Variants in PLEKHG1 observed in about 807,000 individuals in gnomAD.
The protein encoded by PLEKHG1 is pleckstrin homology domain-containing family G member 1.
A neutral mutation model predicts 100.8 loss-of-function variants in PLEKHG1; 44 were observed. The observed-to-expected ratio is 0.44, with a 90% confidence interval of 0.34 to 0.56. PLEKHG1 has a LOEUF of 0.56. PLEKHG1 is among the 20% of genes least tolerant of loss of function. PLEKHG1 has a pLI of 0.01. For missense variants in PLEKHG1, 1,545 were observed against 1,720.9 expected (o/e 0.90, Z 1.81); for synonymous variants, 640 against 662.5 (o/e 0.97, Z 0.52).
intron 3 of PLEKHG1, among the ~76,000 whole-genome samples, chr6:150,682,756 T>C (rs6913518): frequency 0.75 from 113,715 of 152,030 alleles, 42,972 homozygotes; most frequent in African/African-American, 0.87. Flanking sequence ...CTCTGTGCCC[T>C]GAAAGCAAGA....
At chr6:150,674,683 C>CT (rs1562427867) in intron 3 of PLEKHG1, among the ~76,000 whole-genome samples, 1,343 of 103,396 alleles carry the variant, frequency 0.013, 63 homozygotes, top group South Asian at 0.029. Context: ...CTCTCTCTCT[C>CT]CCCCCTCTTC....
At chr6:150,795,767 G>C in intron 4 of PLEKHG1, 89 bp from the exon 6 acceptor site, 1 of 727,142 alleles carries the variant, frequency 1.4e-6, no homozygotes, top group South Asian at 1.8e-5. Context: ...AAATGTCAAG[G>C]CCCGAATGCT....
chr6:150,696,146 A>T (rs1424919789), intron 3 of PLEKHG1, among the ~76,000 whole-genome samples: 1 of 152,198 alleles, frequency 6.6e-6, no homozygotes, highest in Admixed American at 6.5e-5. Context: ...CTATTTTAGG[A>T]TGTCTTCCCT....
chr6:150,695,011 C>T (rs1780490737), intron 3 of PLEKHG1, among the ~76,000 whole-genome samples: 2 of 152,084 alleles, frequency 1.3e-5, no homozygotes, highest in Admixed American at 1.3e-4. Context: ...TTTTAATAGC[C>T]AAGAATGGCT....
intron 3 of PLEKHG1, among the ~76,000 whole-genome samples, chr6:150,783,569 T>C (rs547708984): frequency 1.1e-3 from 162 of 152,200 alleles, no homozygotes; most frequent in Non-Finnish European, 1.5e-3. Context: ...GGGGTTTCAC[T>C]GTGTTGGCCG....
chr6:150,809,079 A>G (rs1397990802), intron 7 of PLEKHG1, 26 bp from the exon 9 acceptor site: 2 of 1,594,090 alleles, frequency 1.3e-6, no homozygotes, highest in Non-Finnish European at 1.7e-6. Context: ...CCTCCTGTAA[A>G]TGCCATGGCC....
Position 150,839,829 on chromosome 6 carries a change from C to T in PLEKHG1, c.3095-4C>T. The T allele has an allele frequency of 6.4e-7, 1 of 1,572,066 alleles. No homozygotes were observed. Among genetic ancestry groups the T allele is most frequent in the Non-Finnish European group, 8.7e-7 (1 of 1,144,166 alleles). On this transcript the variant is annotated splice_polypyrimidine_tract_variant and splice_region_variant and intron_variant, in intron 15 of 15. Coordinates refer to ENST00000358517, the Ensembl canonical transcript of PLEKHG1. ...TATTTACTGTTTCAATATTTGCCTT[C>T]CAGGTGCCAGGATTGCTGAGTATTC... is the stretch of plus-strand genomic sequence containing the variant.
rs762515691 is a variant in PLEKHG1, at chr6:150,681,502, CA to C, written c.-99+30729del. On this transcript the variant is annotated intron_variant, in intron 3 of 3. Transcript: ENST00000367326. ...CTGGCGACAGAGCGTGACTCTGTCT[CA>C]AAAAAAAAAAAAGAAAGGATAATAG... 6.1e-3 allele frequency among the ~76,000 whole-genome samples: 740 copies of C among 120,846 alleles called. 2 individuals are homozygous for C. The highest frequency in any genetic ancestry group is 0.013 in the African/African-American group (413 of 33,012). The allele number at this position is 120,846 out of a possible 152,430, so 79.3% of individuals were successfully genotyped here.
chr6:150,756,886 A>T (rs1419307241), intron 2 of PLEKHG1, among the ~76,000 whole-genome samples: 2 of 152,234 alleles, frequency 1.3e-5, no homozygotes. Context: ...TTCCTGTCTC[A>T]GTAAAATTAG....
exon 6 of PLEKHG1, chr6:150,800,768 T>G: frequency 6.2e-7 from 1 of 1,613,982 alleles, no homozygotes; most frequent in Non-Finnish European, 8.5e-7. Context: ...ACTGGCCAAA[T>G]TCTTCAGGGA....
At chr6:150,681,280 G>C (rs905340104) in intron 3 of PLEKHG1, among the ~76,000 whole-genome samples, 1 of 152,046 alleles carries the variant, frequency 6.6e-6, no homozygotes, top group Non-Finnish European at 1.5e-5. Flanking sequence ...CCAGCACTTC[G>C]GGAGGCTGAG....
intron 1 of PLEKHG1, among the ~76,000 whole-genome samples, chr6:150,616,257 C>G (rs962923290): frequency 8.5e-5 from 13 of 152,202 alleles, no homozygotes; most frequent in African/African-American, 2.7e-4. Flanking sequence ...GTTCTCTTAT[C>G]TTATTGCCCT....
chr6:150,840,546 T>G, exon 16 of PLEKHG1: 2 of 1,614,150 alleles, frequency 1.2e-6, no homozygotes, highest in Non-Finnish European at 1.7e-6. Context: ...TTTTTCCAAT[T>G]TCAAAGAGAC....
exon 16 of PLEKHG1, chr6:150,841,218 C>G (rs1777519253): frequency 2.5e-6 from 1 of 397,424 alleles, no homozygotes; most frequent in Non-Finnish European, 4.6e-6. Context: ...TTAAGAAATG[C>G]AATAATCCTT....
intron 2 of PLEKHG1, among the ~76,000 whole-genome samples, chr6:150,643,096 C>T (rs75993238): frequency 0.012 from 1,789 of 152,166 alleles, 10 homozygotes; most frequent in Non-Finnish European, 0.019. Context: ...AGAGACATAC[C>T]AAGGAATATG....
rs60462437 is a variant in PLEKHG1 at position 150,763,024 on chromosome 6, C to CTTTTTTTTTTTTTTTTTTTTTTTTTT, written c.412-5594_412-5593insTTTTTTTTTTTTTTTTTTTTTTTTTT. Among the ~76,000 whole-genome samples the CTTTTTTTTTTTTTTTTTTTTTTTTTT allele has an allele frequency of 1.4e-3, 108 of 76,474 alleles. 3 individuals carry two copies. Among genetic ancestry groups the CTTTTTTTTTTTTTTTTTTTTTTTTTT allele is most frequent in the East Asian group, 2.0e-3 (4 of 2,040 alleles). The allele number at this position is 76,474 out of a possible 152,430, so 50.2% of individuals were successfully genotyped here. On this transcript the variant is annotated intron_variant, in intron 2 of 15. Transcript: ENST00000358517. ...AGCACCAACAGGAGGGATAAAGCTT[C>CTTTTTTTTTTTTTTTTTTTTTTTTTT]TTTTTTTTTTTTTTTTTTTTGAGAC...
At chr6:150,763,741 A>G (rs1204985176) in intron 2 of PLEKHG1, among the ~76,000 whole-genome samples, 1 of 152,206 alleles carries the variant, frequency 6.6e-6, no homozygotes, top group East Asian at 1.9e-4. Context: ...AGCTGTCTCC[A>G]TGCTACAGCC....
Position 150,841,253 on chromosome 6 carries a change from A to G in PLEKHG1, c.*357A>G, listed in dbSNP as rs112679909. On this transcript the variant is annotated 3_prime_UTR_variant, in exon 16 of 16. Transcript: ENST00000358517. ...TTCCTGTTATCCAGAAGGCCCAGGT[A>G]GTTTTATCCTGTGACTCAAAGGCAG... is the stretch of plus-strand genomic sequence containing the variant. 1.1e-3 allele frequency: 348 copies of G among 321,778 alleles called. 2 individuals are homozygous for G. Among genetic ancestry groups the G allele is most frequent in the Middle Eastern group, 7.1e-3 (7 of 988 alleles). The allele number at this position is 321,778 out of a possible 1,614,324, so 19.9% of individuals were successfully genotyped here.
At chr6:150,729,541 A>G (rs1024671567) in intron 1 of PLEKHG1, among the ~76,000 whole-genome samples, 1 of 152,224 alleles carries the variant, frequency 6.6e-6, no homozygotes, top group African/African-American at 2.4e-5. Context: ...TATGAGGTGC[A>G]TTTTCCTACG....
Sources: gnomAD v4.1 joint callset for allele counts (sites outside exome capture counted in the v4.1 genomes callset) on GRCh38, gnomAD v4.1.1 for gene constraint, MANE v1.5 for transcripts, NCBI Gene and HGNC (gene_info 2026-07-23, HGNC 2026-07-21) for gene names.